Variants in ERLIN1 observed in about 807,000 individuals in gnomAD.
ERLIN1 encodes ER lipid raft associated 1.
Under a neutral mutation model 46.9 loss-of-function variants are expected in ERLIN1, and 24 were observed. The observed-to-expected ratio is 0.51, with a 90% CI of 0.37 to 0.72. The LOEUF is 0.72. ERLIN1 is among the 30% of genes least tolerant of loss of function. The pLI, the probability that ERLIN1 is intolerant of heterozygous loss-of-function variation, is 0.00. For missense variants in ERLIN1, 293 were observed against 417.9 expected (o/e 0.70, Z 2.61); for synonymous variants, 158 against 143.2 (o/e 1.10, Z -0.74).
chr10:100,178,027 A>G lies in ERLIN1; in HGVS notation c.304+106T>C, dbSNP rs1030193467. On this transcript the variant is annotated intron_variant, in intron 4 of 10. Transcript: ENST00000421367. ...CCAGAAATTTATTAATCAGTGATCAATGAAGTCATAAAACTTTCAAAGTAC... is the reference window on the plus strand; with the variant it reads ...CCAGAAATTTATTAATCAGTGATCAGTGAAGTCATAAAACTTTCAAAGTAC... The G allele has an allele frequency of 1.2e-5, 9 of 740,060 alleles. 1 individual carries two copies. Among genetic ancestry groups the G allele is most frequent in the African/African-American group, 1.8e-5 (1 of 56,074 alleles). The allele number at this position is 740,060 out of a possible 1,614,324, so 45.8% of individuals were successfully genotyped here.
At chr10:100,156,372 T>A in intron 8 of ERLIN1, 138 bp from the exon 9 acceptor site, 1 of 625,224 alleles carries the variant, frequency 1.6e-6, no homozygotes, top group African/African-American at 1.8e-5. Flanking sequence ...TTTTATCTAG[T>A]CAGACTGTAA....
Position 100,183,788 on chromosome 10 carries a change from A to C in ERLIN1, c.163T>G (p.Leu55Val), listed in dbSNP as rs780954470. The change falls in exon 2 of 11, where the codon TTG becomes GTG. Residue 55 changes from leucine (L) to valine (V), a missense_variant. Leu to Val is a conservative substitution (Grantham distance 32, BLOSUM62 1). Transcript: ENST00000421367. ...SPSGPGYHIM[L>V]PFITTFRSVQ... ...GATCTGAACGTAGTAATGAAAGGCA[A>C]CATGATATGATAGCCTGGTCCACTG... 6.2e-7 allele frequency: 1 copy of C among 1,613,756 alleles called. No individual in the cohort carries two copies. Among genetic ancestry groups the C allele is most frequent in the Non-Finnish European group, 8.5e-7 (1 of 1,179,684 alleles).
chr10:100,181,451 T>C (rs996450899), intron 2 of ERLIN1, among the ~76,000 whole-genome samples: 18 of 152,288 alleles, frequency 1.2e-4, no homozygotes, highest in African/African-American at 4.1e-4. Flanking sequence ...CTGGACTATG[T>C]CTTCTAATAT....
intron 7 of ERLIN1, 38 bp downstream of exon 7, chr10:100,167,310 C>A (rs1843700950): frequency 1.4e-6 from 2 of 1,457,610 alleles, no homozygotes; most frequent in African/African-American, 2.8e-5. Context: ...GCAGACAGCC[C>A]TAAACAGAAA....
intron 6 of ERLIN1, among the ~76,000 whole-genome samples, chr10:100,169,633 A>G (rs1010358136): frequency 6.6e-6 from 1 of 151,918 alleles, no homozygotes. Context: ...AAAAAAAAAA[A>G]GACTACATAT....
chr10:100,173,887 TCTTA>T (rs1177141590), intron 6 of ERLIN1, among the ~76,000 whole-genome samples: 1 of 152,198 alleles, frequency 6.6e-6, no homozygotes, highest in African/African-American at 2.4e-5. Context: ...CTTTTCATAA[TCTTA>T]CTGAGGGCAG....
rs147167992 is a variant in ERLIN1, at chr10:100,181,007, T to C, written c.196-1760A>G. ...AAAAATAACTCTTAGGTTGAGACAT[T>C]AGAATGACAGTAAACATTGGTGGCA... is the stretch of plus-strand genomic sequence containing the variant. On this transcript the variant is annotated intron_variant, in intron 2 of 10. Coordinates refer to ENST00000421367, the MANE Select transcript of ERLIN1 (RefSeq NM_006459.4). Among the ~76,000 whole-genome samples the C allele has an allele frequency of 2.9e-3, 445 of 152,344 alleles. 7 individuals are homozygous for C. The highest frequency in any genetic ancestry group is 9.9e-3 in the African/African-American group (413 of 41,586).
chr10:100,181,548 T>C (rs1485396520), intron 2 of ERLIN1, among the ~76,000 whole-genome samples: 1 of 143,642 alleles, frequency 7.0e-6, no homozygotes, highest in East Asian at 2.1e-4. Flanking sequence ...GGAGTCTTCC[T>C]CTGTTGCCCA....
intron 9 of ERLIN1, 121 bp downstream of exon 9, chr10:100,156,024 C>T (rs1366202743): frequency 5.0e-6 from 3 of 595,126 alleles, no homozygotes; most frequent in Non-Finnish European, 9.2e-6. Flanking sequence ...CCAGCTATTT[C>T]CTCCAGACCA....
At chr10:100,163,482 T>C (rs1238544927) in intron 8 of ERLIN1, among the ~76,000 whole-genome samples, 2 of 152,032 alleles carry the variant, frequency 1.3e-5, no homozygotes, top group African/African-American at 4.8e-5. Flanking sequence ...ATTAAAGATG[T>C]ATTAAACTTT....
At chr10:100,161,796 T>C (rs1843376895) in intron 8 of ERLIN1, among the ~76,000 whole-genome samples, 1 of 152,168 alleles carries the variant, frequency 6.6e-6, no homozygotes, top group African/African-American at 2.4e-5. Context: ...TATTATATGA[T>C]GGATATGGCA....
At chr10:100,153,935 C>A (rs1842934737) in intron 10 of ERLIN1, among the ~76,000 whole-genome samples, 2 of 151,536 alleles carry the variant, frequency 1.3e-5, no homozygotes, top group African/African-American at 4.8e-5. Flanking sequence ...TTTCAAAGTA[C>A]TGACAACTCT....
At position 100,186,004 on chromosome 10, in the gene ERLIN1, C is replaced by T. The variant is rs1235392325; in HGVS notation, c.-378G>A. The T allele has an allele frequency of 2.4e-6, 1 of 420,912 alleles. No homozygotes were observed. Among genetic ancestry groups the T allele is most frequent in the East Asian group, 3.5e-5 (1 of 28,182 alleles). 26.1% of individuals were successfully genotyped at this position (420,912 alleles called of 1,614,324 possible). ...CCCCCGCCCGCACGTGCAGCCGACT[C>T]CCGCGCCGAGCCAACCGCCGCCAAC... On this transcript the variant is annotated 5_prime_UTR_variant, in exon 1 of 11. Transcript: ENST00000421367.
At chr10:100,181,176 A>T (rs1480323382) in intron 2 of ERLIN1, among the ~76,000 whole-genome samples, 1 of 152,262 alleles carries the variant, frequency 6.6e-6, no homozygotes, top group East Asian at 1.9e-4. Flanking sequence ...TTTCAAACTC[A>T]GAAGAACTAG....
chr10:100,175,955 A>G lies in ERLIN1; in HGVS notation c.420T>C (p.Ile140=). 1 of 1,613,226 alleles carries G rather than the reference A, an allele frequency of 6.2e-7. No homozygotes were observed. The change falls in exon 5 of 11, where the codon ATT becomes ATC. Residue 140 remains isoleucine (I), a synonymous_variant. Transcript: ENST00000421367. Reference sequence around the variant, plus strand: ...AATTAAGACACTTACCAAACAATTCAATGTAAACTTCCTGAAGTGTGTGGG... The same window carrying G: ...AATTAAGACACTTACCAAACAATTCGATGTAAACTTCCTGAAGTGTGTGGG... ...CSAHTLQEVY[I]ELFDQIDENL... is the part of the protein sequence containing the mutation.
intron 2 of ERLIN1, among the ~76,000 whole-genome samples, 200 bp downstream of exon 2, chr10:100,183,556 T>C (rs757778378): frequency 2.0e-4 from 30 of 152,228 alleles, no homozygotes; most frequent in Admixed American, 1.7e-3. Context: ...GGTTCATACC[T>C]TTAATTCATT....
chr10:100,166,248 C>T (rs1001378496), intron 7 of ERLIN1, among the ~76,000 whole-genome samples: 3 of 151,970 alleles, frequency 2.0e-5, no homozygotes, highest in East Asian at 1.9e-4. Flanking sequence ...GGCAAAACTC[C>T]GTCTCTATGA....
intron 8 of ERLIN1, among the ~76,000 whole-genome samples, chr10:100,157,183 A>G (rs747302277): frequency 3.3e-5 from 5 of 152,216 alleles, no homozygotes; most frequent in Non-Finnish European, 7.4e-5. Flanking sequence ...GCTTAGTTTT[A>G]CTATACTCAG....
At chr10:100,163,083 G>C (rs966744524) in intron 8 of ERLIN1, among the ~76,000 whole-genome samples, 1 of 151,896 alleles carries the variant, frequency 6.6e-6, no homozygotes, top group Non-Finnish European at 1.5e-5. Flanking sequence ...CAGAGAATAA[G>C]GATAAAATGC....
Sources: gnomAD v4.1 joint callset for allele counts (sites outside exome capture counted in the v4.1 genomes callset) on GRCh38, gnomAD v4.1.1 for gene constraint, MANE v1.5 for transcripts, NCBI Gene and HGNC (gene_info 2026-07-23, HGNC 2026-07-21) for gene names.